Variants in GRID2 observed in about 807,000 individuals in gnomAD.
GRID2 encodes glutamate receptor ionotropic, delta-2.
A neutral mutation model predicts 114.8 loss-of-function variants in GRID2; 33 were observed. The observed-to-expected ratio is 0.29, with a 90% CI of 0.22 to 0.38. The LOEUF is 0.38. GRID2 is among the 10% of genes least tolerant of loss of function. The pLI, the probability that GRID2 is intolerant of heterozygous loss-of-function variation, is 1.00. For synonymous variants in GRID2, 505 were observed against 449.9 expected (o/e 1.12, Z -1.55); for missense variants, 1,184 against 1,257.7 (o/e 0.94, Z 0.89).
intron 2 of GRID2, among the ~76,000 whole-genome samples, chr4:92,786,093 A>C (rs1157834429): frequency 6.6e-6 from 1 of 151,870 alleles, no homozygotes; most frequent in Non-Finnish European, 1.5e-5. Flanking sequence ...ATGTCACATG[A>C]ATCTGTTGTC....
intron 13 of GRID2, among the ~76,000 whole-genome samples, chr4:93,596,386 G>C (rs1228088817): frequency 6.6e-6 from 1 of 152,082 alleles, no homozygotes; most frequent in Non-Finnish European, 1.5e-5. Flanking sequence ...AAACCATCCT[G>C]GCTAACACGG....
chr4:93,479,685 G>C (rs1725667287), intron 11 of GRID2, among the ~76,000 whole-genome samples: 1 of 152,050 alleles, frequency 6.6e-6, no homozygotes, highest in Non-Finnish European at 1.5e-5. Flanking sequence ...TTAGCTCCAG[G>C]AGACATAGAG....
chr4:92,951,260 T>C (rs1021094109), intron 2 of GRID2, among the ~76,000 whole-genome samples: 1 of 152,050 alleles, frequency 6.6e-6, no homozygotes, highest in Non-Finnish European at 1.5e-5. Flanking sequence ...ATCTTGTTTT[T>C]TGAATAAAAG....
intron 13 of GRID2, among the ~76,000 whole-genome samples, chr4:93,587,823 A>T (rs1370839745): frequency 6.6e-6 from 1 of 152,142 alleles, no homozygotes; most frequent in Non-Finnish European, 1.5e-5. Flanking sequence ...ACTCAAAGAA[A>T]AGCTTCCAAA....
At chr4:92,665,254 C>A (rs912161638) in intron 2 of GRID2, among the ~76,000 whole-genome samples, 1 of 146,806 alleles carries the variant, frequency 6.8e-6, no homozygotes, top group African/African-American at 2.5e-5. Flanking sequence ...TCATAACACT[C>A]TAGTTTGAAT....
chr4:92,913,074 AATC>A (rs1748507235), intron 2 of GRID2, among the ~76,000 whole-genome samples: 3 of 151,880 alleles, frequency 2.0e-5, no homozygotes, highest in African/African-American at 4.8e-5. Context: ...GATGGTGAAT[AATC>A]ATCAATATTA....
chr4:93,423,495 C>T (rs1247925522), intron 10 of GRID2, among the ~76,000 whole-genome samples: 2 of 150,726 alleles, frequency 1.3e-5, no homozygotes, highest in African/African-American at 4.9e-5. Flanking sequence ...TACAGGCGCC[C>T]GCCCCCACGC....
chr4:92,794,046 A>G (rs1739725412), intron 2 of GRID2, among the ~76,000 whole-genome samples: 1 of 151,926 alleles, frequency 6.6e-6, no homozygotes, highest in Non-Finnish European at 1.5e-5. Flanking sequence ...ATTGTTTGGA[A>G]AATTGGGATT....
intron 1 of GRID2, among the ~76,000 whole-genome samples, chr4:92,477,491 G>T (rs1389171030): frequency 1.3e-5 from 2 of 151,856 alleles, no homozygotes; most frequent in Admixed American, 1.3e-4. Flanking sequence ...CAGTATGCTT[G>T]ATTGTGTCAG....
intron 13 of GRID2, among the ~76,000 whole-genome samples, chr4:93,530,663 A>C (rs1417239325): frequency 6.6e-6 from 1 of 152,100 alleles, no homozygotes; most frequent in Non-Finnish European, 1.5e-5. Flanking sequence ...TCCTTTTAAT[A>C]CTGTAATTGT....
intron 1 of GRID2, among the ~76,000 whole-genome samples, chr4:92,568,429 T>A (rs1475111458): frequency 6.6e-6 from 1 of 151,972 alleles, no homozygotes; most frequent in African/African-American, 2.4e-5. Flanking sequence ...TCTCTCAAGT[T>A]TTTTGTTGGT....
intron 1 of GRID2, among the ~76,000 whole-genome samples, chr4:92,338,390 T>C (rs1727296995): frequency 6.6e-6 from 1 of 152,148 alleles, no homozygotes; most frequent in African/African-American, 2.4e-5. Flanking sequence ...ATTCGTATAA[T>C]TTTGGGTTAC....
chr4:93,435,421 G>C (rs1445901479), intron 10 of GRID2, among the ~76,000 whole-genome samples: 2 of 151,972 alleles, frequency 1.3e-5, no homozygotes, highest in Middle Eastern at 3.2e-3. Flanking sequence ...TAAATATTTT[G>C]TCCATTAATT....
intron 2 of GRID2, among the ~76,000 whole-genome samples, chr4:92,905,142 T>A (rs1747852267): frequency 1.3e-5 from 2 of 152,004 alleles, no homozygotes; most frequent in Non-Finnish European, 1.5e-5. Context: ...TTATTTCCCC[T>A]AAGGACAAAA....
chr4:93,344,195 A>T lies in GRID2; in HGVS notation c.1246-51412A>T, dbSNP rs528800393. ...GATAGCCCTTACAAGACTGGTCATC[A>T]ACATTCAGAACCATGTTAATTGCCA... On this transcript the variant is annotated intron_variant, in intron 8 of 15. Transcript: ENST00000282020. Among the ~76,000 whole-genome samples, 6 of 152,190 alleles carry T rather than the reference A, an allele frequency of 3.9e-5. No individual in the cohort carries two copies. In the East Asian group the frequency reaches 1.2e-3, roughly 29 times the overall value.
chr4:92,336,693 G>T (rs188672445), intron 1 of GRID2, among the ~76,000 whole-genome samples: 21 of 152,264 alleles, frequency 1.4e-4, no homozygotes, highest in African/African-American at 4.6e-4. Flanking sequence ...AGATAAAACA[G>T]TAAACGTTTT....
intron 2 of GRID2, among the ~76,000 whole-genome samples, chr4:92,859,794 G>A (rs895743397): frequency 2.6e-5 from 4 of 152,092 alleles, no homozygotes; most frequent in Admixed American, 6.6e-5. Flanking sequence ...TCTTCAGATA[G>A]CAGCAACTTG....
chr4:93,354,523 C>A lies in GRID2; in HGVS notation c.1246-41084C>A, dbSNP rs114979368. On this transcript the variant is annotated intron_variant, in intron 8 of 15. Coordinates refer to ENST00000282020, the MANE Select transcript of GRID2 (RefSeq NM_001510.4). ...GTGTTCCCTGAGGACAAAGATTATACATTACCAATCCCTGTATCACCATTA... is the reference window on the plus strand; with the variant it reads ...GTGTTCCCTGAGGACAAAGATTATAAATTACCAATCCCTGTATCACCATTA... Among the ~76,000 whole-genome samples, 830 of 151,918 alleles carry A rather than the reference C, an allele frequency of 5.5e-3. 4 individuals are homozygous for A. Among genetic ancestry groups the A allele is most frequent in the African/African-American group, 0.019 (791 of 41,482 alleles).
intron 2 of GRID2, among the ~76,000 whole-genome samples, chr4:92,731,073 A>G (rs1736306403): frequency 6.6e-6 from 1 of 151,904 alleles, no homozygotes; most frequent in Non-Finnish European, 1.5e-5. Context: ...GTGTAATTGG[A>G]TGTCTTAGCT....
Sources: allele counts gnomAD v4.1 joint callset (sites outside exome capture counted in the v4.1 genomes callset), GRCh38; gene constraint gnomAD v4.1.1; transcripts MANE v1.5; gene names NCBI Gene and HGNC (gene_info 2026-07-23, HGNC 2026-07-21).